Variants in GPHN observed in about 807,000 individuals in gnomAD.
The protein encoded by GPHN is gephyrin.
Under a neutral mutation model 95.5 loss-of-function variants are expected in GPHN, and 17 were observed. The ratio of observed to expected loss-of-function variants is 0.18; its 90% CI spans 0.12 to 0.27. The LOEUF (loss-of-function observed/expected upper bound fraction) is 0.27. Ranked by LOEUF, GPHN falls within the 10% of genes least tolerant of loss-of-function variation. The pLI is 1.00. For synonymous variants in GPHN, 320 were observed against 322.5 expected (o/e 0.99, Z 0.08); for missense variants, 660 against 978.1 (o/e 0.67, Z 4.34).
At chr14:67,446,823 G>T in the GPHN span, among the ~76,000 whole-genome samples, 1 of 152,224 alleles carries the variant, frequency 6.6e-6, no homozygotes, top group Non-Finnish European at 1.5e-5. Context: ...AACTAGACCA[G>T]GGGTTGGCGA....
At chr14:67,302,641 A>G in the GPHN span, 41 of 1,191,742 alleles carry the variant, frequency 3.4e-5, no homozygotes, top group Non-Finnish European at 3.9e-5. Context: ...AGAATAAAAT[A>G]TTTTTAAAAT....
chr14:67,500,873 G>A, the GPHN span, among the ~76,000 whole-genome samples: 1 of 151,714 alleles, frequency 6.6e-6, no homozygotes, highest in Admixed American at 6.6e-5. Flanking sequence ...GCCTGGCCTG[G>A]ATATTTTTTA....
intron 1 of GPHN, among the ~76,000 whole-genome samples, chr14:66,526,304 A>G (rs996750671): frequency 2.6e-5 from 4 of 152,162 alleles, no homozygotes; most frequent in African/African-American, 9.7e-5. Flanking sequence ...GTGTATAGGA[A>G]TGTTTGTGAT....
the GPHN span, among the ~76,000 whole-genome samples, chr14:67,396,571 G>C: frequency 2.2e-5 from 2 of 91,658 alleles, no homozygotes; most frequent in Non-Finnish European, 3.5e-5. Flanking sequence ...TGACCACACT[G>C]GAGGCCCTTC....
At chr14:66,980,293 C>A (rs939982415) in intron 9 of GPHN, among the ~76,000 whole-genome samples, 5 of 152,032 alleles carry the variant, frequency 3.3e-5, no homozygotes, top group Admixed American at 6.5e-5. Flanking sequence ...GCCTGTATAC[C>A]ACAGCATTTT....
chr14:66,694,351 A>G (rs1002390501), intron 2 of GPHN, among the ~76,000 whole-genome samples: 2 of 152,154 alleles, frequency 1.3e-5, no homozygotes, highest in Non-Finnish European at 2.9e-5. Context: ...TGAGAAATAA[A>G]CTTCTTTTGT....
chr14:67,209,539 G>A, the GPHN span, among the ~76,000 whole-genome samples: 2 of 152,102 alleles, frequency 1.3e-5, no homozygotes, highest in Admixed American at 1.3e-4. Context: ...AGCATAATAG[G>A]CCGGGTGTGG....
the GPHN span, among the ~76,000 whole-genome samples, chr14:67,355,004 G>C: frequency 3.9e-5 from 6 of 151,958 alleles, no homozygotes; most frequent in Non-Finnish European, 4.4e-5. Context: ...GTAGAGACAG[G>C]TTTCTCCATG....
intron 8 of GPHN, among the ~76,000 whole-genome samples, chr14:66,940,590 G>A (rs2067371998): frequency 6.6e-6 from 1 of 152,178 alleles, no homozygotes; most frequent in Admixed American, 6.5e-5. Context: ...GAATTCCCCA[G>A]ACCCCATTTA....
the GPHN span, among the ~76,000 whole-genome samples, chr14:67,315,453 T>C: frequency 6.6e-6 from 1 of 152,002 alleles, no homozygotes; most frequent in East Asian, 1.9e-4. Flanking sequence ...ATGTTTTGTA[T>C]TTTTAGTAGA....
chr14:66,620,902 G>C (rs1357234302), intron 1 of GPHN, among the ~76,000 whole-genome samples: 1 of 152,118 alleles, frequency 6.6e-6, no homozygotes, highest in South Asian at 2.1e-4. Context: ...ATTCCAAATG[G>C]GAGAAATTGG....
chr14:67,198,463 A>T, the GPHN span: 1 of 739,132 alleles, frequency 1.4e-6, no homozygotes, highest in Admixed American at 3.0e-5. Context: ...TGGGAACTTT[A>T]AAAAACCTGA....
the GPHN span, chr14:67,199,465 C>G: frequency 6.2e-7 from 1 of 1,612,874 alleles, no homozygotes; most frequent in Non-Finnish European, 8.5e-7. Context: ...TTATGTGGGA[C>G]CCTGACACAG....
the GPHN span, chr14:67,660,301 C>T: frequency 1.7e-3 from 276 of 157,848 alleles, 3 homozygotes; most frequent in Admixed American, 4.5e-3. Flanking sequence ...AAAAGGAGTC[C>T]GGGCCAGGCA....
the GPHN span, among the ~76,000 whole-genome samples, chr14:67,520,273 T>G: frequency 6.6e-6 from 1 of 152,228 alleles, no homozygotes; most frequent in African/African-American, 2.4e-5. Flanking sequence ...TTGACATGTA[T>G]CCACCATTTA....
chr14:67,520,968 A>G, the GPHN span, among the ~76,000 whole-genome samples: 1 of 152,228 alleles, frequency 6.6e-6, no homozygotes, highest in Non-Finnish European at 1.5e-5. Context: ...TCACATCCTC[A>G]TCTTGTCAGT....
chr14:67,295,562 C>T, the GPHN span, among the ~76,000 whole-genome samples: 1 of 151,028 alleles, frequency 6.6e-6, no homozygotes, highest in South Asian at 2.1e-4. Context: ...ACAACAGTCA[C>T]TTCACAAAAA....
chr14:67,099,367 C>T (rs1231536224), intron 12 of GPHN, among the ~76,000 whole-genome samples: 2 of 151,696 alleles, frequency 1.3e-5, no homozygotes, highest in Non-Finnish European at 2.9e-5. Flanking sequence ...GGTATCTGCC[C>T]GCCCGGGCCT....
At chr14:66,620,149 A>G (rs569649410) in intron 1 of GPHN, among the ~76,000 whole-genome samples, 1 of 152,306 alleles carries the variant, frequency 6.6e-6, no homozygotes, top group South Asian at 2.1e-4. Context: ...CCCATGTGAT[A>G]GAAAAAGTGA....
Sources: gnomAD v4.1 joint callset for allele counts (sites outside exome capture counted in the v4.1 genomes callset) on GRCh38, gnomAD v4.1.1 for gene constraint, MANE v1.5 for transcripts, NCBI Gene and HGNC (gene_info 2026-07-23, HGNC 2026-07-21) for gene names.